The following SUGCT variants were observed in gnomAD, a reference collection of about 807,000 sequenced individuals.
SUGCT encodes the protein succinyl-CoA:glutarate-CoA transferase.
SUGCT carries 41 observed loss-of-function variants against 55.0 expected under a neutral mutation model. The ratio of observed to expected loss-of-function variants is 0.74; its 90% CI spans 0.58 to 0.97. SUGCT has a LOEUF of 0.97. Among genes scored for constraint, SUGCT ranks in the 50% least tolerant of loss-of-function variants. The probability of loss-of-function intolerance (pLI) is 0.00; values close to 1 mark genes in which losing one functional copy is unlikely to be tolerated. For missense variants in SUGCT, 568 were observed against 547.8 expected (o/e 1.04, Z -0.37); for synonymous variants, 187 against 200.4 (o/e 0.93, Z 0.56).
intron 12 of SUGCT, among the ~76,000 whole-genome samples, chr7:40,745,400 A>G (rs370065992): frequency 3.9e-4 from 60 of 152,172 alleles, no homozygotes; most frequent in African/African-American, 1.4e-3. Flanking sequence ...ATAGGACTTT[A>G]TAAAAAGACT....
At chr7:40,602,817 A>G (rs932926550) in intron 12 of SUGCT, among the ~76,000 whole-genome samples, 2 of 152,068 alleles carry the variant, frequency 1.3e-5, no homozygotes, top group African/African-American at 4.8e-5. Context: ...CTTCCATGGG[A>G]TTAGCAATCC....
intron 13 of SUGCT, among the ~76,000 whole-genome samples, chr7:40,840,182 A>G (rs1014824091): frequency 3.3e-5 from 5 of 152,106 alleles, no homozygotes; most frequent in African/African-American, 4.8e-5. Flanking sequence ...AGGGCTCGTT[A>G]TCTAAATTTG....
At chr7:40,430,077 C>T (rs539780536) in intron 9 of SUGCT, among the ~76,000 whole-genome samples, 4 of 152,226 alleles carry the variant, frequency 2.6e-5, no homozygotes, top group Non-Finnish European at 2.9e-5. Context: ...TATCGATGAA[C>T]ATTAGATTAT....
At chr7:40,520,510 T>G (rs1793474231) in intron 12 of SUGCT, among the ~76,000 whole-genome samples, 1 of 152,088 alleles carries the variant, frequency 6.6e-6, no homozygotes, top group African/African-American at 2.4e-5. Flanking sequence ...TGTTAATGTA[T>G]TAGTCATTAT....
intron 13 of SUGCT, among the ~76,000 whole-genome samples, chr7:40,809,455 C>T (rs1362961851): frequency 6.6e-6 from 1 of 152,010 alleles, no homozygotes; most frequent in African/African-American, 2.4e-5. Context: ...CACGTACACA[C>T]ACCCAAAAAA....
Position 40,189,561 on chromosome 7 carries a change from C to T in SUGCT, c.330C>T (p.Ile110=). 1 of 1,358,052 alleles carries T rather than the reference C, an allele frequency of 7.4e-7. No homozygotes were observed. Among genetic ancestry groups the T allele is most frequent in the Admixed American group, 2.5e-5 (1 of 39,708 alleles). The allele number at this position is 1,358,052 out of a possible 1,614,324, so 84.1% of individuals were successfully genotyped here. A position where few individuals can be genotyped will look rare whatever the true frequency, so the allele number is the denominator to read the frequency against. Reference sequence around the variant, plus strand: ...ATTTTTAGAGTATTGCTGTTAATATCAAGGATCCAAAAGGGGTGAAAATCA... The same window carrying T: ...ATTTTTAGAGTATTGCTGTTAATATTAAGGATCCAAAAGGGGTGAAAATCA... ...NRNKKSIAVN[I]KDPKGVKIIK... The change falls in exon 5 of 14, where the codon ATC becomes ATT. Residue 110 remains isoleucine (I), a synonymous_variant. Coordinates refer to ENST00000335693, the MANE Select transcript of SUGCT (RefSeq NM_001193313.2).
chr7:40,478,140 T>C (rs1790808680), intron 11 of SUGCT, among the ~76,000 whole-genome samples: 1 of 152,084 alleles, frequency 6.6e-6, no homozygotes, highest in Non-Finnish European at 1.5e-5. Context: ...CTACAGGCAT[T>C]ACAGGCATAC....
chr7:40,378,726 G>A (rs1784725252), intron 9 of SUGCT, among the ~76,000 whole-genome samples: 1 of 152,160 alleles, frequency 6.6e-6, no homozygotes, highest in Non-Finnish European at 1.5e-5. Context: ...GCCTGCCTTG[G>A]CCTCCCAAAG....
intron 12 of SUGCT, among the ~76,000 whole-genome samples, chr7:40,671,147 A>G (rs903989927): frequency 6.6e-6 from 1 of 152,234 alleles, no homozygotes; most frequent in African/African-American, 2.4e-5. Flanking sequence ...TGAAACCCGT[A>G]TATCAATTTG....
rs113130094 is a variant in SUGCT, at chr7:40,584,742, C to G, written c.1089+88356C>G. ...TTGGCATATGGATATTGTTCCAAAT[C>G]CCATGTTGTATATACAGTAACATAA... is the stretch of plus-strand genomic sequence containing the variant. On this transcript the variant is annotated intron_variant, in intron 12 of 13. Transcript: ENST00000335693. Among the ~76,000 whole-genome samples the G allele has an allele frequency of 8.5e-5, 13 of 152,284 alleles. No individual in the cohort carries two copies. In the East Asian group the frequency reaches 2.5e-3, roughly 29 times the overall value.
At chr7:41,024,974 A>C in the SUGCT span, among the ~76,000 whole-genome samples, 1 of 152,258 alleles carries the variant, frequency 6.6e-6, no homozygotes, top group African/African-American at 2.4e-5. Context: ...ACTAAATAGC[A>C]GTTAAAATGA....
chr7:40,397,432 G>T (rs779959269), intron 9 of SUGCT, among the ~76,000 whole-genome samples: 3 of 151,998 alleles, frequency 2.0e-5, no homozygotes, highest in African/African-American at 7.2e-5. Flanking sequence ...AGCTTATTTT[G>T]CCTTATGTTT....
At chr7:40,232,074 C>G (rs1788754588) in intron 6 of SUGCT, among the ~76,000 whole-genome samples, 1 of 152,120 alleles carries the variant, frequency 6.6e-6, no homozygotes, top group African/African-American at 2.4e-5. Context: ...ACCCTCCAGC[C>G]TGGGTAATAG....
chr7:40,529,471 G>A (rs1315074566), intron 12 of SUGCT, among the ~76,000 whole-genome samples: 3 of 152,170 alleles, frequency 2.0e-5, no homozygotes, highest in Non-Finnish European at 4.4e-5. Flanking sequence ...CAATTCCGTG[G>A]TCATCAGGTG....
At chr7:40,225,821 A>T (rs761494263) in intron 6 of SUGCT, among the ~76,000 whole-genome samples, 6 of 152,150 alleles carry the variant, frequency 3.9e-5, no homozygotes, top group Non-Finnish European at 7.3e-5. Flanking sequence ...GTAATTATAG[A>T]ATCATAGAAA....
chr7:40,834,199 G>A (rs1345726096), intron 13 of SUGCT, among the ~76,000 whole-genome samples: 1 of 149,318 alleles, frequency 6.7e-6, no homozygotes, highest in African/African-American at 2.5e-5. Flanking sequence ...GGACTGGACA[G>A]CTAAATAGTT....
intron 9 of SUGCT, among the ~76,000 whole-genome samples, chr7:40,346,005 C>A (rs971865308): frequency 2.0e-5 from 3 of 150,852 alleles, no homozygotes; most frequent in Non-Finnish European, 3.0e-5. Context: ...GTGGTTGTTT[C>A]TGAGAGTTTG....
At chr7:40,334,702 T>G (rs1334234051) in intron 9 of SUGCT, among the ~76,000 whole-genome samples, 1 of 152,232 alleles carries the variant, frequency 6.6e-6, no homozygotes, top group Non-Finnish European at 1.5e-5. Context: ...TTCTGTAGGT[T>G]GCCTGTTCAC....
At chr7:40,293,826 G>T (rs751048379) in intron 8 of SUGCT, among the ~76,000 whole-genome samples, 2 of 152,178 alleles carry the variant, frequency 1.3e-5, no homozygotes, top group Non-Finnish European at 2.9e-5. Flanking sequence ...AATCAAAACT[G>T]AAGTTGTAAT....
Sources: allele counts gnomAD v4.1 joint callset (sites outside exome capture counted in the v4.1 genomes callset), GRCh38; gene constraint gnomAD v4.1.1; transcripts MANE v1.5; gene names NCBI Gene and HGNC (gene_info 2026-07-23, HGNC 2026-07-21).